Variants in PPP1R14C observed in about 807,000 individuals in gnomAD.
PPP1R14C encodes the protein protein phosphatase 1 regulatory subunit 14C.
Under a neutral mutation model 20.4 loss-of-function variants are expected in PPP1R14C, and 16 were observed. That is an observed-to-expected ratio of 0.78 (90% confidence interval 0.53 to 1.19). The LOEUF is 1.19. Ranked by LOEUF, PPP1R14C falls within the 50% of genes most tolerant of loss-of-function variation. The pLI is 0.00. For synonymous variants in PPP1R14C, 91 were observed against 91.0 expected (o/e 1.00, Z 0.00); for missense variants, 211 against 220.1 (o/e 0.96, Z 0.26).
At chr6:150,180,741 G>A (rs972131310) in intron 1 of PPP1R14C, among the ~76,000 whole-genome samples, 5 of 152,148 alleles carry the variant, frequency 3.3e-5, no homozygotes, top group Admixed American at 2.0e-4. Context: ...CTGGGGTGGG[G>A]GCGGAGTGAA....
In PPP1R14C at chr6:150,232,466, A is replaced by T. The variant is rs1193142244; in HGVS notation, c.423+15610A>T. On this transcript the variant is annotated intron_variant, in intron 3 of 3. Coordinates refer to ENST00000361131, the MANE Select transcript of PPP1R14C (RefSeq NM_030949.3). Reference sequence around the variant, plus strand: ...ATGACATCTTTGGCTTGTGCTTTTTAAAAAAAGGCTTGTTTAAGAAATCTT... The same window carrying T: ...ATGACATCTTTGGCTTGTGCTTTTTTAAAAAAGGCTTGTTTAAGAAATCTT... Among the ~76,000 whole-genome samples the T allele has an allele frequency of 3.3e-5, 5 of 152,198 alleles. No homozygotes were observed. In the East Asian group the frequency reaches 5.8e-4, roughly 18 times the overall value.
chr6:150,172,408 T>G (rs944052092), intron 1 of PPP1R14C, among the ~76,000 whole-genome samples: 5 of 151,920 alleles, frequency 3.3e-5, no homozygotes, highest in South Asian at 2.1e-4. Context: ...AGCTGTGTTT[T>G]TGTGTGTGTG....
intron 1 of PPP1R14C, chr6:150,195,866 G>T (rs1247270586): frequency 1.0e-6 from 1 of 985,260 alleles, no homozygotes; most frequent in Non-Finnish European, 1.2e-6. Flanking sequence ...GGAGGCCAGA[G>T]GACAGGAAAC....
chr6:150,248,909 C>A lies in PPP1R14C; in HGVS notation c.*89C>A. The A allele has an allele frequency of 1.4e-6, 1 of 713,698 alleles. No homozygotes were observed. Among genetic ancestry groups the A allele is most frequent in the African/African-American group, 1.8e-5 (1 of 54,720 alleles). 44.2% of individuals were successfully genotyped at this position (713,698 alleles called of 1,614,324 possible). ...AGACTTTTGTGAAAGAATAGGTGTCCTTATGAACAACGTTTTTGTTTTTTT... is the reference window on the plus strand; with the variant it reads ...AGACTTTTGTGAAAGAATAGGTGTCATTATGAACAACGTTTTTGTTTTTTT... On this transcript the variant is annotated 3_prime_UTR_variant, in exon 4 of 4. Coordinates refer to ENST00000361131, the MANE Select transcript of PPP1R14C (RefSeq NM_030949.3).
chr6:150,199,651 C>T (rs1364318085), intron 1 of PPP1R14C, among the ~76,000 whole-genome samples: 1 of 152,144 alleles, frequency 6.6e-6, no homozygotes, highest in Non-Finnish European at 1.5e-5. Context: ...GGGAGAATTG[C>T]TTGAGCCCAG....
chr6:150,152,074 C>T (rs1391396010), intron 1 of PPP1R14C, among the ~76,000 whole-genome samples: 1 of 150,462 alleles, frequency 6.6e-6, no homozygotes, highest in Non-Finnish European at 1.5e-5. Flanking sequence ...GAGCCGAGAT[C>T]CCGCCAATGC....
Position 150,212,586 on chromosome 6 carries a change from C to T in PPP1R14C, c.307-2158C>T, listed in dbSNP as rs1226028332. ...TTAGTTACTAATTGTTCTCTCATTT[C>T]CTTTAAAAATAGCAGACACCAAGCT... On this transcript the variant is annotated intron_variant, in intron 1 of 3. Coordinates refer to ENST00000361131, the MANE Select transcript of PPP1R14C (RefSeq NM_030949.3). 5.3e-5 allele frequency among the ~76,000 whole-genome samples: 8 copies of T among 152,172 alleles called. No individual in the cohort carries two copies. In the East Asian group the frequency reaches 1.5e-3, roughly 29 times the overall value.
At position 150,249,470 on chromosome 6, in the gene PPP1R14C, T is replaced by C; in HGVS notation, c.*650T>C. The C allele has an allele frequency of 2.5e-6, 1 of 398,640 alleles. No individual in the cohort carries two copies. Among genetic ancestry groups the C allele is most frequent in the Admixed American group, 4.4e-5 (1 of 22,738 alleles). 24.7% of individuals were successfully genotyped at this position (398,640 alleles called of 1,614,324 possible). A position where few individuals can be genotyped will look rare whatever the true frequency, so the allele number is the denominator to read the frequency against. ...ATTTTAATGCACTACACCACAGAAA[T>C]GTTAAGTTGGTCAAGGGCTTAATTT... On this transcript the variant is annotated 3_prime_UTR_variant, in exon 4 of 4. Transcript: ENST00000361131.
chr6:150,219,668 A>G (rs2114914930), intron 3 of PPP1R14C, among the ~76,000 whole-genome samples: 1 of 152,274 alleles, frequency 6.6e-6, no homozygotes, highest in South Asian at 2.1e-4. Context: ...GCCCCTATAC[A>G]ACAATCTGGA....
At chr6:150,178,288 G>A (rs1777585083) in intron 1 of PPP1R14C, among the ~76,000 whole-genome samples, 1 of 152,214 alleles carries the variant, frequency 6.6e-6, no homozygotes, top group African/African-American at 2.4e-5. Flanking sequence ...CCACAACCTA[G>A]CCTGTGTAAG....
At chr6:150,214,624 T>G in intron 1 of PPP1R14C, 120 bp from the exon 2 acceptor site, 6 of 570,348 alleles carry the variant, frequency 1.1e-5, no homozygotes, top group East Asian at 4.8e-5. Flanking sequence ...TTCCCCCTGC[T>G]TATCTGTCAG....
At chr6:150,156,287 A>C (rs547239186) in intron 1 of PPP1R14C, among the ~76,000 whole-genome samples, 1 of 152,194 alleles carries the variant, frequency 6.6e-6, no homozygotes, top group Non-Finnish European at 1.5e-5. Context: ...TTTATCTTAC[A>C]TATTTGAAAG....
At position 150,185,475 on chromosome 6, in the gene PPP1R14C, A is replaced by T. The variant is rs1777667030; in HGVS notation, c.307-29269A>T. Among the ~76,000 whole-genome samples, 1 of 152,112 alleles carries T rather than the reference A, an allele frequency of 6.6e-6. No homozygotes were observed. Among genetic ancestry groups the T allele is most frequent in the South Asian group, 2.1e-4 (1 of 4,822 alleles). ...CAGGAATTTCCAGCAACAGTCCACT[A>T]CCATATTCCTAGCACTGAGCATAGA... On this transcript the variant is annotated intron_variant, in intron 1 of 3. Coordinates refer to ENST00000361131, the MANE Select transcript of PPP1R14C (RefSeq NM_030949.3). The surrounding 1 kb of genome is among the most constrained non-coding windows in gnomAD (Gnocchi z 4.1).
intron 1 of PPP1R14C, among the ~76,000 whole-genome samples, chr6:150,161,001 C>T (rs1408501212): frequency 2.0e-5 from 3 of 151,890 alleles, no homozygotes; most frequent in African/African-American, 7.3e-5. Flanking sequence ...AAGATATGGC[C>T]GGGTGCGGTG....
intron 1 of PPP1R14C, among the ~76,000 whole-genome samples, chr6:150,193,700 T>C (rs977825064): frequency 4.6e-5 from 7 of 152,152 alleles, no homozygotes; most frequent in African/African-American, 1.4e-4. Context: ...CACTCAGATC[T>C]GGAATGTCCT....
intron 3 of PPP1R14C, among the ~76,000 whole-genome samples, chr6:150,222,709 G>T (rs1246279512): frequency 1.4e-5 from 2 of 145,420 alleles, no homozygotes; most frequent in Non-Finnish European, 3.0e-5. Context: ...ACCGTATATA[G>T]CCTTTCTATT....
At chr6:150,181,331 C>A (rs905042618) in intron 1 of PPP1R14C, among the ~76,000 whole-genome samples, 2 of 152,182 alleles carry the variant, frequency 1.3e-5, no homozygotes, top group South Asian at 4.1e-4. Context: ...CACACCACCA[C>A]ACCCAGCTAA....
intron 1 of PPP1R14C, among the ~76,000 whole-genome samples, chr6:150,152,377 G>T (rs1777258999): frequency 6.6e-6 from 1 of 152,268 alleles, no homozygotes; most frequent in Non-Finnish European, 1.5e-5. Context: ...GCTGCAGCTA[G>T]TGTGTTTTCT....
At chr6:150,193,225 T>A (rs1777766831) in intron 1 of PPP1R14C, among the ~76,000 whole-genome samples, 1 of 151,930 alleles carries the variant, frequency 6.6e-6, no homozygotes, top group African/African-American at 2.4e-5. Flanking sequence ...AAGGCTTGTT[T>A]AATCAGCATC....
Sources: gnomAD v4.1 joint callset for allele counts (sites outside exome capture counted in the v4.1 genomes callset) on GRCh38, gnomAD v4.1.1 for gene constraint, Gnocchi (gnomAD v3.1) non-coding constraint, MANE v1.5 for transcripts, NCBI Gene and HGNC (gene_info 2026-07-23, HGNC 2026-07-21) for gene names.